The following GRHL2 variants were observed in gnomAD, a reference collection of about 807,000 sequenced individuals.
GRHL2 encodes grainyhead like transcription factor 2.
GRHL2 carries 21 observed loss-of-function variants against 83.8 expected under a neutral mutation model. The ratio of observed to expected loss-of-function variants is 0.25; its 90% CI spans 0.18 to 0.36. The LOEUF (loss-of-function observed/expected upper bound fraction) is 0.36. Among genes scored for constraint, GRHL2 ranks in the 10% least tolerant of loss-of-function variants. The pLI is 1.00. For synonymous variants in GRHL2, 280 were observed against 278.9 expected (o/e 1.00, Z -0.04); for missense variants, 623 against 781.8 (o/e 0.80, Z 2.42).
intron 1 of GRHL2, among the ~76,000 whole-genome samples, chr8:101,499,725 T>C (rs1810183977): frequency 6.6e-6 from 1 of 152,190 alleles, no homozygotes; most frequent in African/African-American, 2.4e-5. Flanking sequence ...TGGCATTCAC[T>C]AGGGTACTGA....
rs1245393283 is a variant in GRHL2, at chr8:101,652,358, G to GGT, written c.1698+2870_1698+2871dup. 1.5e-4 allele frequency among the ~76,000 whole-genome samples: 11 copies of GGT among 74,940 alleles called. 1 individual carries two copies. The East Asian group carries it at 4.0e-3, about 27-fold the overall frequency. 49.2% of individuals were successfully genotyped at this position (74,940 alleles called of 152,430 possible). ...GTGTGTGTATGTGTGTGGTGTGTGT[G>GGT]GTGTGTGTGTGTCTGATGTGTGTGT... On this transcript the variant is annotated intron_variant, in intron 14 of 15. Coordinates refer to ENST00000646743, the MANE Select transcript of GRHL2 (RefSeq NM_024915.4).
intron 4 of GRHL2, among the ~76,000 whole-genome samples, chr8:101,564,770 C>A (rs922555206): frequency 7.2e-6 from 1 of 139,828 alleles, no homozygotes; most frequent in Non-Finnish European, 1.5e-5. Flanking sequence ...TATGATCATG[C>A]CACTGCACTC....
At chr8:101,613,129 C>T (rs1340604984) in intron 8 of GRHL2, among the ~76,000 whole-genome samples, 1 of 150,628 alleles carries the variant, frequency 6.6e-6, no homozygotes, top group Non-Finnish European at 1.5e-5. Context: ...GCAGGGACAG[C>T]ACAGAAGGCA....
intron 1 of GRHL2, among the ~76,000 whole-genome samples, chr8:101,509,818 TCTC>T (rs1172665938): frequency 1.3e-5 from 2 of 151,980 alleles, no homozygotes; most frequent in Non-Finnish European, 2.9e-5. Context: ...AGCTATATCT[TCTC>T]CTACTTTTTT....
chr8:101,584,940 C>T (rs937201571), intron 7 of GRHL2, among the ~76,000 whole-genome samples: 2 of 150,916 alleles, frequency 1.3e-5, no homozygotes, highest in Middle Eastern at 3.5e-3. Context: ...GCCAAGTGGT[C>T]AGGTAGTCAG....
At chr8:101,504,434 T>C (rs898668466) in intron 1 of GRHL2, among the ~76,000 whole-genome samples, 1 of 152,210 alleles carries the variant, frequency 6.6e-6, no homozygotes. Context: ...TTTGTTCCAC[T>C]CAGTGGGCTG....
At chr8:101,610,136 T>C (rs1812717848) in intron 8 of GRHL2, among the ~76,000 whole-genome samples, 2 of 150,786 alleles carry the variant, frequency 1.3e-5, no homozygotes, top group South Asian at 4.1e-4. Flanking sequence ...TGAAGAGCAG[T>C]GAAGGTTTCT....
chr8:101,562,168 T>G lies in GRHL2; in HGVS notation c.678+3356T>G, dbSNP rs188135672. ...TTATTTTTCTTCGATCTGTTCATTATAAATTTAGCTTGGCGTTTCTGTTTG... is the reference window on the plus strand; with the variant it reads ...TTATTTTTCTTCGATCTGTTCATTAGAAATTTAGCTTGGCGTTTCTGTTTG... On this transcript the variant is annotated intron_variant, in intron 4 of 15. Coordinates refer to ENST00000646743, the MANE Select transcript of GRHL2 (RefSeq NM_024915.4). The G allele has an allele frequency of 2.1e-4, 130 of 623,866 alleles. 2 individuals are homozygous for G. In the East Asian group the frequency reaches 4.0e-3, roughly 19 times the overall value. The allele number at this position is 623,866 out of a possible 1,614,324, so 38.6% of individuals were successfully genotyped here.
chr8:101,620,035 C>T (rs538427230), intron 9 of GRHL2, among the ~76,000 whole-genome samples: 1 of 152,238 alleles, frequency 6.6e-6, no homozygotes, highest in African/African-American at 2.4e-5. Context: ...GCTGGAAAGT[C>T]CAAGGTCAAG....
Position 101,631,632 on chromosome 8 carries a change from A to G in GRHL2, c.1258-5A>G. 1.2e-6 allele frequency: 2 copies of G among 1,612,192 alleles called. No individual in the cohort carries two copies. The highest frequency in any genetic ancestry group is 1.3e-5 in the African/African-American group (1 of 74,936). Reference sequence around the variant, plus strand: ...CATTTTCTGTATTTGTTTTTTTCCTATCAGGGAGCAGAAAGAAAAATCCGA... The same window carrying G: ...CATTTTCTGTATTTGTTTTTTTCCTGTCAGGGAGCAGAAAGAAAAATCCGA... On this transcript the variant is annotated splice_polypyrimidine_tract_variant and splice_region_variant and intron_variant, in intron 9 of 15. Transcript: ENST00000646743.
chr8:101,619,291 T>C (rs1390499145), intron 8 of GRHL2, among the ~76,000 whole-genome samples: 2 of 152,234 alleles, frequency 1.3e-5, no homozygotes, highest in African/African-American at 2.4e-5. Context: ...TTTGCTGATA[T>C]ACTTCCAGGA....
chr8:101,561,286 G>T (rs911856853), intron 4 of GRHL2, among the ~76,000 whole-genome samples: 1 of 152,070 alleles, frequency 6.6e-6, no homozygotes, highest in South Asian at 2.1e-4. Context: ...AAGGCACTGG[G>T]ATTCCTCTGC....
At chr8:101,554,724 A>G (rs1244359146) in intron 3 of GRHL2, among the ~76,000 whole-genome samples, 2 of 152,222 alleles carry the variant, frequency 1.3e-5, no homozygotes, top group African/African-American at 4.8e-5. Context: ...CAGAATCTCA[A>G]TGACATGATC....
chr8:101,664,567 C>T, intron 15 of GRHL2, 49 bp downstream of exon 15: 1 of 1,300,262 alleles, frequency 7.7e-7, no homozygotes, highest in Non-Finnish European at 1.1e-6. Flanking sequence ...GATAAATCCA[C>T]ATGATGCCTT....
At chr8:101,556,801 G>T (rs1228571065) in intron 3 of GRHL2, among the ~76,000 whole-genome samples, 1 of 152,092 alleles carries the variant, frequency 6.6e-6, no homozygotes, top group Non-Finnish European at 1.5e-5. Flanking sequence ...CCCACAGAAT[G>T]GTAAAAAATA....
rs150236414 is a variant in GRHL2, at chr8:101,565,910, C to T, written c.679-4429C>T. Among the ~76,000 whole-genome samples the T allele has an allele frequency of 3.9e-5, 6 of 152,216 alleles. No homozygotes were observed. In the East Asian group the frequency reaches 1.2e-3, roughly 29 times the overall value. Reference sequence around the variant, plus strand: ...ATCTTGAAATGAAAGCAAGTAATGACTATTTGTCATTATCTGGATAGATGT... The same window carrying T: ...ATCTTGAAATGAAAGCAAGTAATGATTATTTGTCATTATCTGGATAGATGT... On this transcript the variant is annotated intron_variant, in intron 4 of 15. Transcript: ENST00000646743.
rs140106332 is a variant in GRHL2 at position 101,558,437 on chromosome 8, T to A, written c.303T>A (p.Ser101Arg). 124 of 1,614,128 alleles carry A rather than the reference T, an allele frequency of 7.7e-5. No homozygotes were observed. Among genetic ancestry groups the A allele is most frequent in the East Asian group, 2.2e-4 (10 of 44,886 alleles). Residue 101 changes from serine (S) to arginine (R), a missense_variant, in exon 4 of 16, where the codon AGT (serine) becomes AGA (arginine). This residue lies in a region of GRHL2 where 239 missense variants were observed against 240.5 expected (regional missense o/e 0.99). Coordinates refer to ENST00000646743, the MANE Select transcript of GRHL2 (RefSeq NM_024915.4). ...DQEKRNCLGT[S>R]EAQSNLSGGE... ...CACACAGAAACTGCCTTGGCACCAG[T>A]GAAGCCCAGAGTAATTTGAGTGGAG...
intron 12 of GRHL2, among the ~76,000 whole-genome samples, chr8:101,642,223 T>G (rs974203126): frequency 6.6e-6 from 1 of 152,238 alleles, no homozygotes; most frequent in African/African-American, 2.4e-5. Context: ...TATTCACTCC[T>G]ACTGAGTTTA....
chr8:101,656,826 T>C (rs1386758859), intron 14 of GRHL2, among the ~76,000 whole-genome samples: 1 of 150,608 alleles, frequency 6.6e-6, no homozygotes, highest in Admixed American at 6.6e-5. Flanking sequence ...GGGTGTGTGT[T>C]CATGTGTCTG....
Sources: gnomAD v4.1 joint callset for allele counts (sites outside exome capture counted in the v4.1 genomes callset) on GRCh38, gnomAD v4.1.1 for gene constraint, gnomAD v4.1.1 regional missense constraint, MANE v1.5 for transcripts, NCBI Gene and HGNC (gene_info 2026-07-23, HGNC 2026-07-21) for gene names.